Variants in PLAGL2 observed in about 807,000 individuals in gnomAD.
The protein encoded by PLAGL2 is zinc finger protein PLAGL2.
PLAGL2 carries 7 observed loss-of-function variants against 29.0 expected under a neutral mutation model. That is an observed-to-expected ratio of 0.24 (90% CI 0.14 to 0.45). PLAGL2 has a LOEUF of 0.45. Among genes scored for constraint, PLAGL2 ranks in the 20% least tolerant of loss-of-function variants. The probability of loss-of-function intolerance (pLI) is 0.99; values close to 1 mark genes in which losing one functional copy is unlikely to be tolerated. For missense variants in PLAGL2, 454 were observed against 648.2 expected (o/e 0.70, Z 3.25); for synonymous variants, 234 against 266.0 (o/e 0.88, Z 1.17).
Position 32,197,148 on chromosome 20 carries a change from T to C in PLAGL2, c.795A>G (p.Thr265=), listed in dbSNP as rs745357455. The change falls in exon 3 of 3, where the codon ACA becomes ACG. Residue 265 remains threonine, a synonymous_variant. Transcript: ENST00000246229. The surrounding 1 kb of genome is among the most constrained non-coding windows in gnomAD (Gnocchi z 6.6). ...DMLGLLSCSS[T]VSVKEELSPV... Reference sequence around the variant, plus strand: ...GGCTCAGCTCTTCCTTCACACTGACTGTGGAGCTGCAGCTGAGTAGGCCTA... The same window carrying C: ...GGCTCAGCTCTTCCTTCACACTGACCGTGGAGCTGCAGCTGAGTAGGCCTA... 1.2e-6 allele frequency: 2 copies of C among 1,614,072 alleles called. No homozygotes were observed. The highest frequency in any genetic ancestry group is 1.7e-6 in the Non-Finnish European group (2 of 1,180,030).
intron 1 of PLAGL2, 49 bp from the exon 2 acceptor site, chr20:32,202,341 A>G (rs905463692): frequency 3.1e-6 from 2 of 653,638 alleles, no homozygotes; most frequent in East Asian, 2.7e-5. Flanking sequence ...CCATGAGAAC[A>G]TGGGCTCTGG....
Position 32,202,047 on chromosome 20 carries a change from A to T in PLAGL2, c.132T>A (p.Ile44=), listed in dbSNP as rs777779530. 7.4e-6 allele frequency: 12 copies of T among 1,614,106 alleles called. No homozygotes were observed. The highest frequency in any genetic ancestry group is 1.0e-5 in the Non-Finnish European group (12 of 1,180,044). ...AESQVKCQCE[I]SGTPFSNGEK... ...CCCCATTTGAGAAAGGTGTTCCCGA[A>T]ATTTCACATTGGCACTTCACTTGAC... The change falls in exon 2 of 3, where the codon ATT becomes ATA. Residue 44 remains isoleucine, a synonymous_variant. Transcript: ENST00000246229.
Position 32,194,133 on chromosome 20 carries a change from T to C in PLAGL2, c.*2319A>G, listed in dbSNP as rs577547676. On this transcript the variant is annotated 3_prime_UTR_variant, in exon 3 of 3. Transcript: ENST00000246229. ...AAAGGGCAGGCAGAGAGGAAAGGAC[T>C]CCTCTAACAGCCCGGGACTTTGTAT... is the stretch of plus-strand genomic sequence containing the variant. 6.6e-6 allele frequency: 1 copy of C among 152,418 alleles called. No individual in the cohort carries two copies. Among genetic ancestry groups the C allele is most frequent in the South Asian group, 2.1e-4 (1 of 4,830 alleles). The allele number at this position is 152,418 out of a possible 1,614,324, so 9.4% of individuals were successfully genotyped here.
In PLAGL2 at chr20:32,196,812, G is replaced by A. The variant is rs757668716; in HGVS notation, c.1131C>T (p.Pro377=). ...PGSLSLSSAE[P]QPASPQPAAA... ...CCGCCGGCTGAGGTGAGGCGGGCTG[G>A]GGTTCAGCGGATGAGAGAGACAGGC... The change falls in exon 3 of 3, where the codon CCC becomes CCT. Residue 377 remains proline (P), a synonymous_variant. Coordinates refer to ENST00000246229, the MANE Select transcript of PLAGL2 (RefSeq NM_002657.3). 1.2e-6 allele frequency: 2 copies of A among 1,613,374 alleles called. No individual in the cohort carries two copies. The highest frequency in any genetic ancestry group is 1.7e-5 in the Admixed American group (1 of 59,992).
At chr20:32,200,704 C>G (rs1341096972) in intron 2 of PLAGL2, among the ~76,000 whole-genome samples, 1 of 151,998 alleles carries the variant, frequency 6.6e-6, no homozygotes, top group African/African-American at 2.4e-5. Flanking sequence ...GATTCTCCTG[C>G]CACAGAGTCC....
chr20:32,197,400 C>A lies in PLAGL2; in HGVS notation c.543G>T (p.Arg181=). 6.2e-7 allele frequency: 1 copy of A among 1,611,792 alleles called. No individual in the cohort carries two copies. The highest frequency in any genetic ancestry group is 8.5e-7 in the Non-Finnish European group (1 of 1,179,658). Reference sequence around the variant, plus strand: ...TCTTCTCCTTGGCACCGCCTGCTACCCGGCGTGAGTGGGCCTTCAGGTGCT... The same window carrying A: ...TCTTCTCCTTGGCACCGCCTGCTACACGGCGTGAGTGGGCCTTCAGGTGCT... ...LLEHLKAHSR[R]VAGGAKEKKH... The change falls in exon 3 of 3, where the codon CGG becomes CGT. Residue 181 remains arginine, a synonymous_variant. Transcript: ENST00000246229. The surrounding 1 kb of genome is among the most constrained non-coding windows in gnomAD (Gnocchi z 6.6).
chr20:32,203,309 G>A (rs951684002), intron 1 of PLAGL2, among the ~76,000 whole-genome samples: 4 of 152,322 alleles, frequency 2.6e-5, no homozygotes, highest in Admixed American at 2.6e-4. Flanking sequence ...CCATTCCCAA[G>A]TGGGGAGCCG....
Position 32,196,833 on chromosome 20 carries a change from C to T in PLAGL2, c.1110G>A (p.Leu370=), listed in dbSNP as rs780420186. 4 of 1,613,712 alleles carry T rather than the reference C, an allele frequency of 2.5e-6. No homozygotes were observed. In the African/African-American group the frequency reaches 4.0e-5, roughly 16 times the overall value. ...DSFLAELPGS[L]SLSSAEPQPA... ...GCTGGGGTTCAGCGGATGAGAGAGA[C>T]AGGCTTCCAGGAAGCTCCGCCAGAA... The change falls in exon 3 of 3, where the codon CTG becomes CTA. Residue 370 remains leucine (L), a synonymous_variant. Coordinates refer to ENST00000246229, the MANE Select transcript of PLAGL2 (RefSeq NM_002657.3).
In PLAGL2 at chr20:32,202,220, C is replaced by T; in HGVS notation, c.-42G>A. 1 of 1,603,686 alleles carries T rather than the reference C, an allele frequency of 6.2e-7. No homozygotes were observed. The highest frequency in any genetic ancestry group is 8.5e-7 in the Non-Finnish European group (1 of 1,172,522). ...AAGGGCCATGTTATTGAGAAAGCCT[C>T]CCCATCCGCTCCACACAGGCTCTCA... On this transcript the variant is annotated 5_prime_UTR_variant, in exon 2 of 3. Transcript: ENST00000246229.
At chr20:32,200,748 A>G (rs2047255282) in intron 2 of PLAGL2, among the ~76,000 whole-genome samples, 1 of 151,866 alleles carries the variant, frequency 6.6e-6, no homozygotes, top group South Asian at 2.1e-4. Context: ...GTGCCACCAC[A>G]CCCAGCTAAT....
chr20:32,199,530 TC>T (rs1226195270), intron 2 of PLAGL2, among the ~76,000 whole-genome samples: 2 of 152,126 alleles, frequency 1.3e-5, no homozygotes, highest in Non-Finnish European at 2.9e-5. Context: ...GGCAACCAGA[TC>T]ATCATTAAGA....
rs1159342973 is a variant in PLAGL2 at position 32,202,151 on chromosome 20, G to T, written c.28C>A (p.Pro10Thr). The change falls in exon 2 of 3, where the codon CCC (proline) becomes ACC (threonine). Residue 10 changes from proline to threonine, a missense_variant. Physicochemically the swap from Pro to Thr is conservative, Grantham distance 38 (BLOSUM62 -1). Coordinates refer to ENST00000246229, the MANE Select transcript of PLAGL2 (RefSeq NM_002657.3). ...TCCTGCTTTGCATCTTGAATCCAGG[G>T]GGGGACGCTGGTGAAAAATGTGGTC... MTTFFTSVP[P>T]WIQDAKQEEE... is the part of the protein sequence containing the mutation. 6.2e-7 allele frequency: 1 copy of T among 1,614,176 alleles called. No individual in the cohort carries two copies. Among genetic ancestry groups the T allele is most frequent in the African/African-American group, 1.3e-5 (1 of 75,040 alleles).
chr20:32,204,530 T>C (rs910058669), intron 1 of PLAGL2, among the ~76,000 whole-genome samples: 2 of 151,904 alleles, frequency 1.3e-5, no homozygotes, highest in Non-Finnish European at 2.9e-5. Context: ...TGGGGCTATG[T>C]CTTCACAAAG....
rs2047217190 is a variant in PLAGL2, at chr20:32,194,380, T to C, written c.*2072A>G. ...GCTGCGTACCAAGGTAGACACTTTT[T>C]AAAATAAACCTTAATTAGTCCCTGG... On this transcript the variant is annotated 3_prime_UTR_variant, in exon 3 of 3. Transcript: ENST00000246229. The C allele has an allele frequency of 6.6e-6, 1 of 152,332 alleles. No homozygotes were observed. Among genetic ancestry groups the C allele is most frequent in the South Asian group, 2.1e-4 (1 of 4,836 alleles). The allele number at this position is 152,332 out of a possible 1,614,324, so 9.4% of individuals were successfully genotyped here. A position where few individuals can be genotyped will look rare whatever the true frequency, so the allele number is the denominator to read the frequency against.
chr20:32,204,123 C>T (rs1186252902), intron 1 of PLAGL2, among the ~76,000 whole-genome samples: 2 of 152,208 alleles, frequency 1.3e-5, no homozygotes, highest in South Asian at 2.1e-4. Flanking sequence ...AGAGTGTGCT[C>T]GAGTGTGCAT....
chr20:32,197,187 C>A lies in PLAGL2; in HGVS notation c.756G>T (p.Glu252Asp). 1 of 1,614,226 alleles carries A rather than the reference C, an allele frequency of 6.2e-7. No homozygotes were observed. Among genetic ancestry groups the A allele is most frequent in the East Asian group, 2.2e-5 (1 of 44,886 alleles). ...TGAGTAGGCCTAACATGTCCACGGG[C>A]TCTGTCTTGATCTTGAGCAGCTCCT... is the stretch of plus-strand genomic sequence containing the variant. Reference protein sequence around the residue: ...HSQELLKIKTEPVDMLGLLSC... With the variant: ...HSQELLKIKTDPVDMLGLLSC... The change falls in exon 3 of 3, where the codon GAG becomes GAT. Residue 252 changes from glutamate (E) to aspartate (D), a missense_variant. Around this residue, in one of 4 missense-constraint regions of PLAGL2, gnomAD observed 247 missense variants for 350.3 expected, o/e 0.71. Transcript: ENST00000246229. This position sits in a 1 kb window ranked among gnomAD's most constrained non-coding sequence, Gnocchi z 6.6.
At position 32,201,857 on chromosome 20, in the gene PLAGL2, GTC is replaced by G. The variant is rs993626449; in HGVS notation, c.260+60_260+61del. On this transcript the variant is annotated intron_variant, in intron 2 of 2. Transcript: ENST00000246229. ...AGATTAAAAACCCACACTAGGCAGA[GTC>G]TCTCTGCTTTTTCCCTCTGGGAACC... 1.4e-4 allele frequency: 201 copies of G among 1,444,002 alleles called. 2 individuals carry two copies. The South Asian group carries it at 1.6e-3, about 12-fold the overall frequency. 89.4% of individuals were successfully genotyped at this position (1,444,002 alleles called of 1,614,324 possible). A position where few individuals can be genotyped will look rare whatever the true frequency, so the allele number is the denominator to read the frequency against.
Position 32,196,591 on chromosome 20 carries a change from G to C in PLAGL2, c.1352C>G (p.Thr451Ser), listed in dbSNP as rs2047229672. 6 of 1,540,174 alleles carry C rather than the reference G, an allele frequency of 3.9e-6. No individual in the cohort carries two copies. Among genetic ancestry groups the C allele is most frequent in the Non-Finnish European group, 5.2e-6 (6 of 1,148,132 alleles). ...ATCTTGAGGCTGAGCTTGCAAAGTGGTAAGCAGGGGCTGTGCCTCAGCCTG... is the reference window on the plus strand; with the variant it reads ...ATCTTGAGGCTGAGCTTGCAAAGTGCTAAGCAGGGGCTGTGCCTCAGCCTG... ...YSQAEAQPLLTTLQAQPQDSP... is the reference protein window; with the variant it reads ...YSQAEAQPLLSTLQAQPQDSP... The change falls in exon 3 of 3, where the codon ACC becomes AGC. Residue 451 changes from threonine (T) to serine (S), a missense_variant. Thr to Ser is a moderately conservative substitution (Grantham distance 58). This residue lies in a region of PLAGL2 where 247 missense variants were observed against 350.3 expected (regional missense o/e 0.71). Transcript: ENST00000246229.
Position 32,203,771 on chromosome 20 carries a change from T to G in PLAGL2, c.-114-1479A>C, listed in dbSNP as rs532949068. Among the ~76,000 whole-genome samples the G allele has an allele frequency of 4.1e-4, 62 of 152,346 alleles. 1 individual carries two copies. In the South Asian group the frequency reaches 0.012, roughly 30 times the overall value. On this transcript the variant is annotated intron_variant, in intron 1 of 2. Coordinates refer to ENST00000246229, the MANE Select transcript of PLAGL2 (RefSeq NM_002657.3). The stretch of plus-strand genomic sequence containing the variant: ...ATGCCCCAGAGAGCTTTGCTCATCA[T>G]TAACATGAGCTACGTCCTGTTCAGG...
Sources: gnomAD v4.1 joint callset for allele counts (sites outside exome capture counted in the v4.1 genomes callset) on GRCh38, gnomAD v4.1.1 for gene constraint, gnomAD v4.1.1 regional missense constraint, Gnocchi (gnomAD v3.1) non-coding constraint, MANE v1.5 for transcripts, NCBI Gene and HGNC (gene_info 2026-07-23, HGNC 2026-07-21) for gene names.